The following DHTKD1 variants were observed in gnomAD, a reference collection of about 807,000 sequenced individuals.
The protein encoded by DHTKD1 is 2-oxoadipate dehydrogenase complex component E1.
Under a neutral mutation model 101.8 loss-of-function variants are expected in DHTKD1, and 78 were observed. That is an observed-to-expected ratio of 0.77 (90% CI 0.64 to 0.93). The LOEUF is 0.93. Among genes scored for constraint, DHTKD1 ranks in the 40% least tolerant of loss-of-function variants. The pLI, the probability that DHTKD1 is intolerant of heterozygous loss-of-function variation, is 0.00. For synonymous variants in DHTKD1, 462 were observed against 450.3 expected (o/e 1.03, Z -0.33); for missense variants, 1,223 against 1,161.7 (o/e 1.05, Z -0.77).
intron 6 of DHTKD1, 133 bp from the exon 7 acceptor site, chr10:12,093,940 C>A: frequency 2.7e-6 from 2 of 751,196 alleles, no homozygotes; most frequent in Non-Finnish European, 4.6e-6. Flanking sequence ...GTCTCCAAAG[C>A]TGGGGTTGTT....
chr10:12,072,393 C>G (rs1187903036), intron 1 of DHTKD1, among the ~76,000 whole-genome samples: 1 of 151,998 alleles, frequency 6.6e-6, no homozygotes, highest in East Asian at 1.9e-4. Context: ...ACCTGGGAGG[C>G]TGAGGTTGCA....
At chr10:12,093,923 C>T in intron 6 of DHTKD1, 150 bp from the exon 7 acceptor site, 1 of 677,696 alleles carries the variant, frequency 1.5e-6, no homozygotes, top group Non-Finnish European at 2.6e-6. Flanking sequence ...TTGGAACTTG[C>T]CAGCTGGTCT....
rs1833531401 is a variant in DHTKD1 at position 12,121,782 on chromosome 10, T to C, written c.*894T>C. The C allele has an allele frequency of 6.6e-6, 1 of 152,130 alleles. No homozygotes were observed. The highest frequency in any genetic ancestry group is 1.5e-5 in the Non-Finnish European group (1 of 68,022). The allele number at this position is 152,130 out of a possible 1,614,324, so 9.4% of individuals were successfully genotyped here. On this transcript the variant is annotated 3_prime_UTR_variant, in exon 17 of 17. Coordinates refer to ENST00000263035, the MANE Select transcript of DHTKD1 (RefSeq NM_018706.7). ...CTCATAAATTAAAAGGAAAGTATGATAGTGTTATGGATTTTAGCTCTGAGT... is the reference window on the plus strand; with the variant it reads ...CTCATAAATTAAAAGGAAAGTATGACAGTGTTATGGATTTTAGCTCTGAGT...
rs1833524275 is a variant in DHTKD1 at position 12,121,266 on chromosome 10, C to T, written c.*378C>T. 4.7e-6 allele frequency: 1 copy of T among 214,418 alleles called. No individual in the cohort carries two copies. Among genetic ancestry groups the T allele is most frequent in the Admixed American group, 5.2e-5 (1 of 19,220 alleles). The allele number at this position is 214,418 out of a possible 1,614,324, so 13.3% of individuals were successfully genotyped here. A position where few individuals can be genotyped will look rare whatever the true frequency, so the allele number is the denominator to read the frequency against. On this transcript the variant is annotated 3_prime_UTR_variant, in exon 17 of 17. Coordinates refer to ENST00000263035, the MANE Select transcript of DHTKD1 (RefSeq NM_018706.7). Reference sequence around the variant, plus strand: ...CATTAAAAGAGGCCTCCTTCCTCCACTCTCTCAACCCCTCTGTTGGGTAAC... The same window carrying T: ...CATTAAAAGAGGCCTCCTTCCTCCATTCTCTCAACCCCTCTGTTGGGTAAC...
At chr10:12,114,941 GCCTGCCA>G (rs1833392138) in intron 13 of DHTKD1, among the ~76,000 whole-genome samples, 2 of 151,594 alleles carry the variant, frequency 1.3e-5, no homozygotes, top group African/African-American at 4.9e-5. Context: ...GACCACAGGC[GCCTGCCA>G]CCACGACCTG....
At chr10:12,119,784 A>G (rs1833495679) in intron 15 of DHTKD1, among the ~76,000 whole-genome samples, 2 of 152,160 alleles carry the variant, frequency 1.3e-5, no homozygotes, top group Admixed American at 6.6e-5. Context: ...ATTTACCTGC[A>G]TAACAAACCT....
rs1328697526 is a variant in DHTKD1, at chr10:12,097,789, G to C, written c.1464G>C (p.Leu488Phe). 1 of 1,614,204 alleles carries C rather than the reference G, an allele frequency of 6.2e-7. No homozygotes were observed. The change falls in exon 8 of 17, where the codon TTG becomes TTC. Residue 488 changes from leucine to phenylalanine, a missense_variant. Transcript: ENST00000263035. ...SEIKSSYYAKLNDHLNNMAHY... is the reference protein window; with the variant it reads ...SEIKSSYYAKFNDHLNNMAHY... Reference sequence around the variant, plus strand: ...TAAAATCCTCCTACTATGCCAAGTTGAATGATCACTTAAATAACATGGCCC... The same window carrying C: ...TAAAATCCTCCTACTATGCCAAGTTCAATGATCACTTAAATAACATGGCCC...
At chr10:12,117,423 A>G (rs2131627621) in intron 13 of DHTKD1, among the ~76,000 whole-genome samples, 1 of 149,846 alleles carries the variant, frequency 6.7e-6, no homozygotes, top group South Asian at 2.1e-4. Context: ...GCCTCCAGCG[A>G]TCCTCCTGCC....
chr10:12,119,457 T>A (rs1300909200), intron 15 of DHTKD1, among the ~76,000 whole-genome samples: 1 of 137,706 alleles, frequency 7.3e-6, no homozygotes, highest in Non-Finnish European at 1.6e-5. Context: ...CTACTGAAAA[T>A]ACAAAAAAAT....
rs770278866 is a variant in DHTKD1 at position 12,112,914 on chromosome 10, G to A, written c.2169G>A (p.Ala723=). The A allele has an allele frequency of 1.3e-4, 206 of 1,607,456 alleles. 1 individual carries two copies. The highest frequency in any genetic ancestry group is 1.4e-4 in the Admixed American group (8 of 58,776). The change falls in exon 13 of 17, where the codon GCG becomes GCA. Residue 723 remains alanine, a synonymous_variant. Coordinates refer to ENST00000263035, the MANE Select transcript of DHTKD1 (RefSeq NM_018706.7). ...IERFLQMCDS[A]EEGVDGDTVN... Reference sequence around the variant, plus strand: ...TTCTCTCCCAGATGTGTGACAGTGCGGAAGAGGGGGTGGACGGAGACACTG... The same window carrying A: ...TTCTCTCCCAGATGTGTGACAGTGCAGAAGAGGGGGTGGACGGAGACACTG...
chr10:12,091,691 A>G lies in DHTKD1; in HGVS notation c.1159+7A>G. 1 of 1,612,656 alleles carries G rather than the reference A, an allele frequency of 6.2e-7. No individual in the cohort carries two copies. Among genetic ancestry groups the G allele is most frequent in the Non-Finnish European group, 8.5e-7 (1 of 1,179,286 alleles). On this transcript the variant is annotated splice_region_variant and intron_variant, in intron 6 of 16. Transcript: ENST00000263035. Reference sequence around the variant, plus strand: ...TTATACTGCAGTGATATTGGTACGTAACACAGGGAGGAACTGATATTGCTG... The same window carrying G: ...TTATACTGCAGTGATATTGGTACGTGACACAGGGAGGAACTGATATTGCTG...
chr10:12,120,571 C>A (rs552205563), intron 16 of DHTKD1, among the ~76,000 whole-genome samples: 1 of 151,900 alleles, frequency 6.6e-6, no homozygotes, highest in Admixed American at 6.6e-5. Context: ...CTCCTGACCT[C>A]GTGATCCGCC....
At chr10:12,082,646 G>A (rs1403509624) in intron 2 of DHTKD1, among the ~76,000 whole-genome samples, 1 of 150,912 alleles carries the variant, frequency 6.6e-6, no homozygotes, top group East Asian at 1.9e-4. Context: ...GCCTCCAAAG[G>A]CCCTTTTCTT....
At chr10:12,096,284 C>A (rs561834093) in intron 7 of DHTKD1, among the ~76,000 whole-genome samples, 1 of 152,252 alleles carries the variant, frequency 6.6e-6, no homozygotes, top group African/African-American at 2.4e-5. Flanking sequence ...CGTTTCTGAT[C>A]CTTGGTACCA....
At chr10:12,119,485 GGGC>G (rs1833484177) in intron 15 of DHTKD1, among the ~76,000 whole-genome samples, 4 of 150,858 alleles carry the variant, frequency 2.7e-5, no homozygotes, top group Admixed American at 2.6e-4. Context: ...GCGTGGTGGC[GGGC>G]GCCTGTAGTC....
Position 12,103,491 on chromosome 10 carries a change from C to CTGTGTG in DHTKD1, c.1896+2342_1896+2347dup, listed in dbSNP as rs55809304. 0.013 allele frequency among the ~76,000 whole-genome samples: 1,815 copies of CTGTGTG among 144,952 alleles called. 22 individuals are homozygous for CTGTGTG. Among genetic ancestry groups the CTGTGTG allele is most frequent in the East Asian group, 0.023 (112 of 4,826 alleles). ...CCCCAACTTCGTTGTACATCTCAAT[C>CTGTGTG]TGTGTGTGTGTGTGTGTGTGTGTGT... On this transcript the variant is annotated intron_variant, in intron 10 of 16. Coordinates refer to ENST00000263035, the MANE Select transcript of DHTKD1 (RefSeq NM_018706.7). This position sits in a 1 kb window ranked among gnomAD's most constrained non-coding sequence, Gnocchi z 4.8.
chr10:12,120,952 G>A lies in DHTKD1; in HGVS notation c.*64G>A, dbSNP rs546116931. 452 of 1,449,018 alleles carry A rather than the reference G, an allele frequency of 3.1e-4. 3 individuals carry two copies. In the South Asian group the frequency reaches 4.9e-3, roughly 16 times the overall value. 89.8% of individuals were successfully genotyped at this position (1,449,018 alleles called of 1,614,324 possible). Reference sequence around the variant, plus strand: ...ATGGCCATTAAGGCCGGGTGGGGTGGCACATGCCTGTAATCCCAGCACTTT... The same window carrying A: ...ATGGCCATTAAGGCCGGGTGGGGTGACACATGCCTGTAATCCCAGCACTTT... On this transcript the variant is annotated 3_prime_UTR_variant, in exon 17 of 17. Coordinates refer to ENST00000263035, the MANE Select transcript of DHTKD1 (RefSeq NM_018706.7).
chr10:12,080,981 C>T (rs1051286568), intron 1 of DHTKD1, among the ~76,000 whole-genome samples: 1 of 151,720 alleles, frequency 6.6e-6, no homozygotes, highest in African/African-American at 2.4e-5. Context: ...GCAGGAGGAT[C>T]ACTTGAGCCC....
Position 12,091,598 on chromosome 10 carries a change from G to A in DHTKD1, c.1073G>A (p.Gly358Glu). 4 of 1,613,514 alleles carry A rather than the reference G, an allele frequency of 2.5e-6. No homozygotes were observed. The highest frequency in any genetic ancestry group is 2.5e-6 in the Non-Finnish European group (3 of 1,179,932). The change falls in exon 6 of 17, where the codon GGG (glycine) becomes GAG (glutamate). Residue 358 changes from glycine to glutamate, a missense_variant. Gly to Glu is a moderately conservative substitution (Grantham distance 98). Transcript: ENST00000263035. ...AATCTCCCACATTTCAGAATTGGTG[G>A]GAGTGTGCATTTGATTGTTAATAAC... Reference protein sequence around the residue: ...LSNLPHFRIGGSVHLIVNNQL... With the variant: ...LSNLPHFRIGESVHLIVNNQL...
Sources: gnomAD v4.1 joint callset for allele counts (sites outside exome capture counted in the v4.1 genomes callset) on GRCh38, gnomAD v4.1.1 for gene constraint, Gnocchi (gnomAD v3.1) non-coding constraint, MANE v1.5 for transcripts, NCBI Gene and HGNC (gene_info 2026-07-23, HGNC 2026-07-21) for gene names.